ALDH1A2: variants seen among roughly 807,000 people sequenced by gnomAD.
ALDH1A2 encodes aldehyde dehydrogenase 1 family member A2.
A neutral mutation model predicts 60.3 loss-of-function variants in ALDH1A2; 27 were observed. That is an observed-to-expected ratio of 0.45 (90% CI 0.33 to 0.62). The LOEUF is 0.62. ALDH1A2 is among the 20% of genes least tolerant of loss of function. ALDH1A2 has a pLI of 0.02. For synonymous variants in ALDH1A2, 289 were observed against 232.4 expected, an observed-to-expected ratio of 1.24 and a Z score of -2.21; for missense variants, 581 against 643.8, an observed-to-expected ratio of 0.90 and a Z score of 1.06.
At chr15:58,041,193 C>A (rs1334058574) in intron 1 of ALDH1A2, among the ~76,000 whole-genome samples, 1 of 151,920 alleles carries the variant, frequency 6.6e-6, no homozygotes, top group African/African-American at 2.4e-5. Context: ...CACCAAGTAT[C>A]TATGCCTGCA....
chr15:58,043,229 A>T (rs1896560679), intron 1 of ALDH1A2, among the ~76,000 whole-genome samples: 2 of 152,008 alleles, frequency 1.3e-5, no homozygotes, highest in South Asian at 4.1e-4. Context: ...ATTAATAATG[A>T]ATCATGACAC....
chr15:57,982,175 C>G (rs561117077), intron 7 of ALDH1A2, among the ~76,000 whole-genome samples: 4 of 152,324 alleles, frequency 2.6e-5, no homozygotes, highest in Admixed American at 1.3e-4. Flanking sequence ...CTGGGGAACA[C>G]ATTCAAATCA....
At chr15:57,976,490 C>G (rs1472827804) in intron 7 of ALDH1A2, among the ~76,000 whole-genome samples, 1 of 152,124 alleles carries the variant, frequency 6.6e-6, no homozygotes, top group Non-Finnish European at 1.5e-5. Flanking sequence ...TTGTTCAACT[C>G]TCACTTATGA....
At chr15:58,046,276 A>G (rs1483210690) in intron 1 of ALDH1A2, among the ~76,000 whole-genome samples, 1 of 152,066 alleles carries the variant, frequency 6.6e-6, no homozygotes, top group Non-Finnish European at 1.5e-5. Context: ...AAAAGTGACT[A>G]CGCTGGTTTA....
chr15:58,010,596 G>T, intron 4 of ALDH1A2, 53 bp downstream of exon 4: 3 of 1,604,826 alleles, frequency 1.9e-6, no homozygotes, highest in Non-Finnish European at 2.6e-6. Flanking sequence ...TGGCCAAAGC[G>T]CATTTCTGGT....
intron 7 of ALDH1A2, among the ~76,000 whole-genome samples, chr15:57,976,030 A>G (rs1332939406): frequency 6.6e-6 from 1 of 152,240 alleles, no homozygotes; most frequent in Non-Finnish European, 1.5e-5. Context: ...GGTACATTAA[A>G]CAAAAATATT....
intron 1 of ALDH1A2, among the ~76,000 whole-genome samples, chr15:58,039,712 G>A (rs553000313): frequency 6.6e-6 from 1 of 151,824 alleles, no homozygotes; most frequent in African/African-American, 2.4e-5. Flanking sequence ...TTCTAAAAAG[G>A]TGAGTTAGGG....
intron 1 of ALDH1A2, among the ~76,000 whole-genome samples, chr15:58,021,117 TTTA>T (rs1356769087): frequency 1.6e-4 from 24 of 152,334 alleles, no homozygotes; most frequent in African/African-American, 5.3e-4. Context: ...CAACTATATC[TTTA>T]TTATTTTGAT....
Position 58,065,688 on chromosome 15 carries a change from C to T in ALDH1A2, c.-38G>A, listed in dbSNP as rs1301194189. 2.8e-6 allele frequency: 4 copies of T among 1,446,018 alleles called. No homozygotes were observed. The highest frequency in any genetic ancestry group is 2.4e-5 in the Admixed American group (1 of 42,546). 89.6% of individuals were successfully genotyped at this position (1,446,018 alleles called of 1,614,324 possible). A position where few individuals can be genotyped will look rare whatever the true frequency, so the allele number is the denominator to read the frequency against. ...GGTGTCCCTAGCCCGCGGCGTGGGG[C>T]AGTGCGGGCTGTGCGCGCGGTCCGC... On this transcript the variant is annotated 5_prime_UTR_variant, in exon 1 of 13. Coordinates refer to ENST00000249750, the MANE Select transcript of ALDH1A2 (RefSeq NM_003888.4).
intron 1 of ALDH1A2, among the ~76,000 whole-genome samples, chr15:58,030,695 T>C (rs910194741): frequency 6.6e-6 from 1 of 152,116 alleles, no homozygotes; most frequent in Non-Finnish European, 1.5e-5. Flanking sequence ...AGTCTCAGGA[T>C]ACAAAATCAA....
intron 7 of ALDH1A2, chr15:57,979,850 G>T: frequency 3.2e-6 from 1 of 311,916 alleles, no homozygotes; most frequent in Admixed American, 3.3e-5. Context: ...CATATATGCT[G>T]GCCCAGGCCA....
At chr15:57,957,495 C>T (rs1893567510) in intron 12 of ALDH1A2, among the ~76,000 whole-genome samples, 3 of 152,102 alleles carry the variant, frequency 2.0e-5, no homozygotes, top group Admixed American at 6.6e-5. Context: ...GGATTTCTGT[C>T]GCATATTTAT....
At chr15:58,041,958 A>G (rs1453785906) in intron 1 of ALDH1A2, among the ~76,000 whole-genome samples, 1 of 151,946 alleles carries the variant, frequency 6.6e-6, no homozygotes, top group Non-Finnish European at 1.5e-5. Context: ...GATGTCTCTC[A>G]AAATATCTTA....
chr15:57,955,399 T>C, intron 12 of ALDH1A2, 130 bp from the exon 13 acceptor site: 1 of 901,336 alleles, frequency 1.1e-6, no homozygotes, highest in Non-Finnish European at 1.8e-6. Context: ...ATGTAAAAAT[T>C]CCTCACGTAT....
intron 4 of ALDH1A2, among the ~76,000 whole-genome samples, chr15:57,997,155 A>G (rs1277717121): frequency 6.6e-5 from 10 of 152,088 alleles, no homozygotes; most frequent in Non-Finnish European, 1.5e-4. Flanking sequence ...AGATGTTGCA[A>G]CTGTCCATAG....
intron 1 of ALDH1A2, among the ~76,000 whole-genome samples, chr15:58,023,658 G>GAGAAAAAAAA (rs1895994404): frequency 7.7e-6 from 1 of 129,426 alleles, no homozygotes; most frequent in Non-Finnish European, 1.6e-5. Flanking sequence ...AAAGTGCTGG[G>GAGAAAAAAAA]AAAAAAAAAA....
intron 7 of ALDH1A2, among the ~76,000 whole-genome samples, chr15:57,975,345 A>C (rs1373117579): frequency 6.6e-6 from 1 of 152,274 alleles, no homozygotes; most frequent in Admixed American, 6.5e-5. Context: ...AAATGGATAA[A>C]TCCAAATGTT....
chr15:58,014,463 GC>G (rs1895732897), intron 1 of ALDH1A2, 182 bp from the exon 2 acceptor site: 1 of 656,048 alleles, frequency 1.5e-6, no homozygotes, highest in South Asian at 1.5e-5. Flanking sequence ...CTATATTTTT[GC>G]TTTAACATCA....
intron 4 of ALDH1A2, among the ~76,000 whole-genome samples, chr15:58,008,438 G>A (rs577728050): frequency 5.3e-5 from 8 of 152,116 alleles, no homozygotes; most frequent in Admixed American, 3.9e-4. Context: ...AAAACAGTGA[G>A]GCTTATGGGC....
Sources: gnomAD v4.1 joint callset for allele counts (sites outside exome capture counted in the v4.1 genomes callset) on GRCh38, gnomAD v4.1.1 for gene constraint, MANE v1.5 for transcripts, NCBI Gene and HGNC (gene_info 2026-07-23, HGNC 2026-07-21) for gene names.